The following DDHD1 variants were observed in gnomAD, a reference collection of about 807,000 sequenced individuals.
DDHD1 encodes the protein DDHD domain containing 1.
DDHD1 carries 49 observed loss-of-function variants against 96.4 expected under a neutral mutation model. The observed-to-expected ratio is 0.51, with a 90% CI of 0.40 to 0.64. The LOEUF is 0.64. Among genes scored for constraint, DDHD1 ranks in the 30% least tolerant of loss-of-function variants. DDHD1 has a pLI of 0.00. For synonymous variants in DDHD1, 442 were observed against 446.5 expected (o/e 0.99, Z 0.13); for missense variants, 1,106 against 1,161.2 (o/e 0.95, Z 0.69).
chr14:53,091,616 T>C (rs767843390), intron 4 of DDHD1, among the ~76,000 whole-genome samples, 169 bp downstream of exon 4: 6 of 152,222 alleles, frequency 3.9e-5, no homozygotes, highest in Non-Finnish European at 7.4e-5. Flanking sequence ...GTAGACATAA[T>C]CCCTCTCAAA....
rs138130837 is a variant in DDHD1, at chr14:53,094,527, C to A, written c.1013-1083G>T. 7.9e-5 allele frequency among the ~76,000 whole-genome samples: 12 copies of A among 151,710 alleles called. No individual in the cohort carries two copies. In the East Asian group the frequency reaches 2.3e-3, roughly 30 times the overall value. On this transcript the variant is annotated intron_variant, in intron 2 of 12. Transcript: ENST00000673822. ...AGCAGCCTGGGCAACAATAATGAGA[C>A]CCCGTCTCTTAAAAAGAAAACTAAA...
In DDHD1 at chr14:53,043,993, A is replaced by G. The variant is rs1237265534; in HGVS notation, c.*2775T>C. ...AGAGAATAAAATTTTAATGGTATCAAAAACAAAACTTTTTTTGGCCGATTT... is the reference window on the plus strand; with the variant it reads ...AGAGAATAAAATTTTAATGGTATCAGAAACAAAACTTTTTTTGGCCGATTT... On this transcript the variant is annotated 3_prime_UTR_variant, in exon 13 of 13. Coordinates refer to ENST00000673822, the MANE Select transcript of DDHD1 (RefSeq NM_001160148.2). 6.6e-6 allele frequency: 1 copy of G among 152,218 alleles called. No homozygotes were observed. Among genetic ancestry groups the G allele is most frequent in the African/African-American group, 2.4e-5 (1 of 41,458 alleles). 9.4% of individuals were successfully genotyped at this position (152,218 alleles called of 1,614,324 possible).
rs1555329653 is a variant in DDHD1, at chr14:53,051,832, CAT to C, written c.2521+10_2521+11del. On this transcript the variant is annotated intron_variant, in intron 12 of 12. Coordinates refer to ENST00000673822, the MANE Select transcript of DDHD1 (RefSeq NM_001160148.2). ...ATAGTATTCTGAATGCTATTCCTGACATATACCATACCGAGGGCATTATCTTT... is the reference window on the plus strand; with the variant it reads ...ATAGTATTCTGAATGCTATTCCTGACATACCATACCGAGGGCATTATCTTT... 6.4e-7 allele frequency: 1 copy of C among 1,566,170 alleles called. No homozygotes were observed.
chr14:53,146,501 A>AC (rs1890993926), intron 1 of DDHD1, among the ~76,000 whole-genome samples: 1 of 151,952 alleles, frequency 6.6e-6, no homozygotes, highest in East Asian at 1.9e-4. Context: ...ATCTCAAAAA[A>AC]AAAAAAAAAA....
chr14:53,137,559 T>A (rs1238360136), intron 1 of DDHD1, among the ~76,000 whole-genome samples: 1 of 151,928 alleles, frequency 6.6e-6, no homozygotes, highest in Non-Finnish European at 1.5e-5. Flanking sequence ...ACCACTGCAC[T>A]CCAGCCTGGG....
At chr14:53,088,105 C>T (rs990938103) in intron 4 of DDHD1, among the ~76,000 whole-genome samples, 2 of 152,060 alleles carry the variant, frequency 1.3e-5, no homozygotes, top group Admixed American at 1.3e-4. Context: ...ACCTTTCCCC[C>T]AAGACTAAAC....
At chr14:53,121,626 T>C (rs779550467) in intron 1 of DDHD1, among the ~76,000 whole-genome samples, 1 of 152,138 alleles carries the variant, frequency 6.6e-6, no homozygotes, top group Non-Finnish European at 1.5e-5. Flanking sequence ...TTCATGTCCT[T>C]TGCATGGATG....
chr14:53,076,843 A>T (rs1885000963), intron 4 of DDHD1, among the ~76,000 whole-genome samples: 1 of 152,232 alleles, frequency 6.6e-6, no homozygotes, highest in South Asian at 2.1e-4. Context: ...AGCGACATTT[A>T]GCAGTACAGC....
intron 10 of DDHD1, 151 bp from the exon 11 acceptor site, chr14:53,054,780 T>C (rs906806533): frequency 3.1e-6 from 2 of 638,696 alleles, no homozygotes; most frequent in African/African-American, 3.6e-5. Flanking sequence ...ATAATTTATA[T>C]TGCAGGTTTC....
In DDHD1 at chr14:53,106,938, GT is replaced by G. The variant is rs1310591826; in HGVS notation, c.839-3083del. Among the ~76,000 whole-genome samples the G allele has an allele frequency of 2.6e-5, 4 of 152,062 alleles. No individual in the cohort carries two copies. In the East Asian group the frequency reaches 7.7e-4, roughly 29 times the overall value. ...GGGACTCCAATTTTAAGTATGTTAG[GT>G]CTTCTTTTGCCTGTATTGAATTTAA... On this transcript the variant is annotated intron_variant, in intron 1 of 12. Coordinates refer to ENST00000673822, the MANE Select transcript of DDHD1 (RefSeq NM_001160148.2).
At chr14:53,088,860 A>G (rs1046423532) in intron 4 of DDHD1, among the ~76,000 whole-genome samples, 5 of 152,234 alleles carry the variant, frequency 3.3e-5, no homozygotes, top group African/African-American at 1.2e-4. Flanking sequence ...GTATTCAATT[A>G]GGAAAAGAGG....
chr14:53,088,431 G>T lies in DDHD1; in HGVS notation c.1289+3354C>A, dbSNP rs374576409. Among the ~76,000 whole-genome samples the T allele has an allele frequency of 3.3e-5, 5 of 152,156 alleles. No individual in the cohort carries two copies. The East Asian group carries it at 9.7e-4, about 29-fold the overall frequency. ...ATGCAAAAATCCTCAATAAAATACT[G>T]GCAAACCAAATCCAGCAGCACATCA... On this transcript the variant is annotated intron_variant, in intron 4 of 12. Transcript: ENST00000673822.
intron 10 of DDHD1, 134 bp downstream of exon 10, chr14:53,055,526 G>T: frequency 1.2e-6 from 1 of 837,688 alleles, no homozygotes; most frequent in Non-Finnish European, 1.9e-6. Flanking sequence ...TATGAACATT[G>T]GGAGGGTAGT....
At position 53,055,657 on chromosome 14, in the gene DDHD1, T is replaced by C. The variant is rs1288238293; in HGVS notation, c.2245+3A>G. ...TAGATAAGGAATACATAAGAGAAAT[T>C]ACCTAATATGCTTGCTTTGCCTATA... On this transcript the variant is annotated splice_donor_region_variant and intron_variant, in intron 10 of 12. Transcript: ENST00000673822. The C allele has an allele frequency of 6.2e-7, 1 of 1,613,818 alleles. No homozygotes were observed. Among genetic ancestry groups the C allele is most frequent in the Non-Finnish European group, 8.5e-7 (1 of 1,179,766 alleles).
intron 2 of DDHD1, chr14:53,103,272 C>A: frequency 7.6e-6 from 3 of 394,528 alleles, no homozygotes; most frequent in Non-Finnish European, 1.3e-5. Context: ...AAGAGATACA[C>A]AAAGATAATT....
chr14:53,138,960 C>T (rs907429332), intron 1 of DDHD1, among the ~76,000 whole-genome samples: 2 of 151,760 alleles, frequency 1.3e-5, no homozygotes, highest in Admixed American at 1.3e-4. Flanking sequence ...TGGATCCTTA[C>T]AAGGTCTTGT....
chr14:53,056,254 C>T (rs1332924417), intron 9 of DDHD1, among the ~76,000 whole-genome samples: 5 of 151,982 alleles, frequency 3.3e-5, no homozygotes, highest in African/African-American at 9.7e-5. Context: ...GCAAATAAGG[C>T]CAATTTTTAA....
chr14:53,081,460 G>A (rs1480202227), intron 4 of DDHD1, among the ~76,000 whole-genome samples: 2 of 152,184 alleles, frequency 1.3e-5, no homozygotes, highest in Non-Finnish European at 2.9e-5. Context: ...ACACAAAAGA[G>A]TTCATTTAGA....
At chr14:53,093,602 G>T in intron 2 of DDHD1, 158 bp from the exon 3 acceptor site, 1 of 903,584 alleles carries the variant, frequency 1.1e-6, no homozygotes, top group Non-Finnish European at 1.6e-6. Context: ...AAAAAGTTAT[G>T]TGAAGCAAGT....
Sources: gnomAD v4.1 joint callset for allele counts (sites outside exome capture counted in the v4.1 genomes callset) on GRCh38, gnomAD v4.1.1 for gene constraint, MANE v1.5 for transcripts, NCBI Gene and HGNC (gene_info 2026-07-23, HGNC 2026-07-21) for gene names.